The following HMGCLL1 variants were observed in gnomAD, a reference collection of about 807,000 sequenced individuals.
HMGCLL1 encodes the protein 3-hydroxy-3-methylglutaryl-CoA lyase like 1, also known as 3-hydroxymethyl-3-methylglutaryl-CoA lyase, cytoplasmic.
Under a neutral mutation model 39.1 loss-of-function variants are expected in HMGCLL1, and 36 were observed. The ratio of observed to expected loss-of-function variants is 0.92; its 90% CI spans 0.71 to 1.22. HMGCLL1 has a LOEUF of 1.22. Ranked by LOEUF, HMGCLL1 falls within the 50% of genes most tolerant of loss-of-function variation. HMGCLL1 has a pLI of 0.00. For missense variants in HMGCLL1, 451 were observed against 416.5 expected, an observed-to-expected ratio of 1.08 and a Z score of -0.72; for synonymous variants, 149 against 144.0, an observed-to-expected ratio of 1.03 and a Z score of -0.25.
chr6:55,482,379 A>G (rs1050130917), intron 7 of HMGCLL1, among the ~76,000 whole-genome samples: 92 of 152,044 alleles, frequency 6.1e-4, no homozygotes, highest in African/African-American at 2.1e-3. Flanking sequence ...CTTCTTTTTA[A>G]TATTTCATAT....
At chr6:55,463,107 T>A (rs1364247691) in intron 7 of HMGCLL1, among the ~76,000 whole-genome samples, 1 of 150,970 alleles carries the variant, frequency 6.6e-6, no homozygotes, top group African/African-American at 2.4e-5. Flanking sequence ...CTCGGCTCAC[T>A]GCAACCTCCG....
the HMGCLL1 span, among the ~76,000 whole-genome samples, chr6:55,657,472 T>C: frequency 7.9e-5 from 12 of 152,054 alleles, no homozygotes; most frequent in Non-Finnish European, 1.8e-4. Context: ...TTGCTTGTTT[T>C]TGTCAGGTTT....
chr6:55,620,433 C>A, the HMGCLL1 span, among the ~76,000 whole-genome samples: 1 of 152,090 alleles, frequency 6.6e-6, no homozygotes, highest in African/African-American at 2.4e-5. Context: ...ATTTTCATTT[C>A]TCTGATAATC....
At chr6:55,444,596 A>C (rs1177724030) in intron 7 of HMGCLL1, among the ~76,000 whole-genome samples, 1 of 152,036 alleles carries the variant, frequency 6.6e-6, no homozygotes, top group African/African-American at 2.4e-5. Flanking sequence ...ATTTTCTAAA[A>C]GCAAAAAGGA....
At chr6:55,617,400 G>C in the HMGCLL1 span, among the ~76,000 whole-genome samples, 3 of 152,068 alleles carry the variant, frequency 2.0e-5, no homozygotes, top group African/African-American at 7.2e-5. Flanking sequence ...GAAGGAGTTA[G>C]ACTGTGAAGA....
At chr6:55,666,075 G>A in the HMGCLL1 span, among the ~76,000 whole-genome samples, 6 of 151,688 alleles carry the variant, frequency 4.0e-5, no homozygotes, top group East Asian at 1.9e-4. Context: ...GAATCCCTAC[G>A]CTCATAACTT....
intron 1 of HMGCLL1, among the ~76,000 whole-genome samples, chr6:55,546,865 G>A (rs1318218009): frequency 1.3e-5 from 2 of 151,988 alleles, no homozygotes; most frequent in East Asian, 1.9e-4. Flanking sequence ...AACAAAAGAT[G>A]TTTTATCCAG....
chr6:55,645,078 G>C, the HMGCLL1 span, among the ~76,000 whole-genome samples: 1 of 151,734 alleles, frequency 6.6e-6, no homozygotes, highest in Non-Finnish European at 1.5e-5. Flanking sequence ...TCTTTCATCA[G>C]TGTTTCATAG....
At chr6:55,524,769 C>T (rs1174986293) in intron 3 of HMGCLL1, among the ~76,000 whole-genome samples, 1 of 151,778 alleles carries the variant, frequency 6.6e-6, no homozygotes, top group Non-Finnish European at 1.5e-5. Context: ...TAATGATTGT[C>T]CCTTGGAAAA....
At chr6:55,539,642 G>A (rs986184482) in intron 3 of HMGCLL1, among the ~76,000 whole-genome samples, 2 of 151,572 alleles carry the variant, frequency 1.3e-5, no homozygotes, top group Non-Finnish European at 2.9e-5. Context: ...ATAAGTGGGA[G>A]CTAAATGATG....
chr6:55,664,057 T>A, the HMGCLL1 span, among the ~76,000 whole-genome samples: 1 of 151,998 alleles, frequency 6.6e-6, no homozygotes, highest in East Asian at 1.9e-4. Flanking sequence ...TTTGAGCTTA[T>A]GTGTGTCATT....
chr6:55,499,753 C>T (rs1270281702), intron 5 of HMGCLL1, among the ~76,000 whole-genome samples: 1 of 152,016 alleles, frequency 6.6e-6, no homozygotes, highest in Non-Finnish European at 1.5e-5. Flanking sequence ...CATTTAGGTA[C>T]AGCCATTAAT....
chr6:55,551,465 G>T (rs1770322743), intron 1 of HMGCLL1, among the ~76,000 whole-genome samples: 1 of 151,880 alleles, frequency 6.6e-6, no homozygotes, highest in Non-Finnish European at 1.5e-5. Flanking sequence ...ACAAGGAAGG[G>T]CAAGTAGAAG....
At chr6:55,677,009 T>C in the HMGCLL1 span, among the ~76,000 whole-genome samples, 1 of 152,254 alleles carries the variant, frequency 6.6e-6, no homozygotes, top group African/African-American at 2.4e-5. Context: ...GCTATTGTGG[T>C]AGATATACTC....
At chr6:55,496,405 C>G (rs1264846233) in intron 6 of HMGCLL1, among the ~76,000 whole-genome samples, 1 of 152,082 alleles carries the variant, frequency 6.6e-6, no homozygotes, top group East Asian at 1.9e-4. Flanking sequence ...AGTACTGAAT[C>G]ATAACTGCAT....
the HMGCLL1 span, among the ~76,000 whole-genome samples, chr6:55,658,414 AC>A: frequency 4.0e-5 from 6 of 151,722 alleles, no homozygotes; most frequent in African/African-American, 1.5e-4. Flanking sequence ...AACATCCTCC[AC>A]CCCCAACCCA....
intron 7 of HMGCLL1, among the ~76,000 whole-genome samples, chr6:55,458,415 G>T (rs1025450439): frequency 5.3e-5 from 8 of 152,108 alleles, no homozygotes; most frequent in African/African-American, 1.9e-4. Context: ...GACTCAAGGT[G>T]GGTTAATAAA....
At chr6:55,544,349 A>G (rs1452897534) in intron 1 of HMGCLL1, among the ~76,000 whole-genome samples, 1 of 152,280 alleles carries the variant, frequency 6.6e-6, no homozygotes. Flanking sequence ...AGTTAAAGTC[A>G]GAAGCATACT....
At chr6:55,448,788 C>T (rs1763963719) in intron 7 of HMGCLL1, among the ~76,000 whole-genome samples, 1 of 152,126 alleles carries the variant, frequency 6.6e-6, no homozygotes, top group African/African-American at 2.4e-5. Context: ...TATGGTTTCA[C>T]TTAATAGGTC....
Sources: gnomAD v4.1 joint callset for allele counts (sites outside exome capture counted in the v4.1 genomes callset) on GRCh38, gnomAD v4.1.1 for gene constraint, MANE v1.5 for transcripts, NCBI Gene and HGNC (gene_info 2026-07-23, HGNC 2026-07-21) for gene names.